The following ANKRD17 variants were observed in gnomAD, a reference collection of about 807,000 sequenced individuals.
The protein encoded by ANKRD17 is ankyrin repeat domain-containing protein 17.
Under a neutral mutation model 229.7 loss-of-function variants are expected in ANKRD17, and 19 were observed. The observed-to-expected ratio is 0.08, with a 90% CI of 0.06 to 0.12. The LOEUF (loss-of-function observed/expected upper bound fraction) is 0.12, where lower values mean the gene tolerates loss of function less well. Among genes scored for constraint, ANKRD17 ranks in the 10% least tolerant of loss-of-function variants. ANKRD17 has a pLI of 1.00. For missense variants in ANKRD17, 2,176 were observed against 3,176.8 expected (o/e 0.68, Z 7.57); for synonymous variants, 1,112 against 1,146.1 (o/e 0.97, Z 0.60).
chr4:73,158,996 G>T (rs188600471), intron 3 of ANKRD17, among the ~76,000 whole-genome samples: 47 of 152,324 alleles, frequency 3.1e-4, no homozygotes, highest in African/African-American at 9.4e-4. Context: ...AACAGAAAAT[G>T]AACCAAGATG....
At chr4:73,104,097 A>C (rs1275672488) in intron 24 of ANKRD17, 1 of 152,198 alleles carries the variant, frequency 6.6e-6, no homozygotes, top group East Asian at 1.9e-4. Flanking sequence ...CAGCAAATCG[A>C]TTTTAGGAAA....
rs765156764 is a variant in ANKRD17 at position 73,258,342 on chromosome 4, G to T, written c.327C>A (p.Gly109=). ...GGGGGGGGGG[G]GTSSNNSEEE... ...CCTCGCTGTTGTTACTGCTGGTGCC[G>T]CCGCCGCCACCTCCGCCTCCACCGC... Residue 109 remains glycine (G), a synonymous_variant, in exon 1 of 34, where the codon GGC becomes GGA. Coordinates refer to ENST00000358602, the MANE Select transcript of ANKRD17 (RefSeq NM_032217.5). The T allele has an allele frequency of 6.2e-7, 1 of 1,612,654 alleles. No homozygotes were observed. The highest frequency in any genetic ancestry group is 1.1e-5 in the South Asian group (1 of 91,054).
rs1371035354 is a variant in ANKRD17, at chr4:73,224,058, C to T, written c.393+34218G>A. ...TTTGAGGCCAGGAGTTCGATCAAGA[C>T]CAGCCTGGCCAACATGGTGAAACCC... On this transcript the variant is annotated intron_variant, in intron 1 of 33. Coordinates refer to ENST00000358602, the MANE Select transcript of ANKRD17 (RefSeq NM_032217.5). Among the ~76,000 whole-genome samples, 4 of 152,254 alleles carry T rather than the reference C, an allele frequency of 2.6e-5. No individual in the cohort carries two copies. The South Asian group carries it at 8.3e-4, about 32-fold the overall frequency.
rs766320989 is a variant in ANKRD17 at position 73,091,104 on chromosome 4, G to T, written c.6524C>A (p.Thr2175Asn). The T allele has an allele frequency of 3.1e-6, 5 of 1,614,042 alleles. No homozygotes were observed. Among genetic ancestry groups the T allele is most frequent in the South Asian group, 2.2e-5 (2 of 91,086 alleles). ...ATGAGGGGGTGGTCTAATAGCAGGG[G>T]TTTCCATTTTAGGAGTAGGCTGGGG... The part of the protein sequence containing the change: ...GCPQPTPKME[T>N]PAIRPPPHGT... The change falls in exon 29 of 34, where the codon ACC becomes AAC. Residue 2175 changes from threonine (T) to asparagine (N), a missense_variant. By Grantham distance (65) the Thr-to-Asn change is moderately conservative. Coordinates refer to ENST00000358602, the MANE Select transcript of ANKRD17 (RefSeq NM_032217.5).
At chr4:73,255,890 A>G (rs979279521) in intron 1 of ANKRD17, among the ~76,000 whole-genome samples, 1 of 151,930 alleles carries the variant, frequency 6.6e-6, no homozygotes, top group Non-Finnish European at 1.5e-5. Flanking sequence ...CACTCGGCTA[A>G]TTTTTTTGTA....
chr4:73,246,867 C>T (rs1744551038), intron 1 of ANKRD17, among the ~76,000 whole-genome samples: 1 of 151,886 alleles, frequency 6.6e-6, no homozygotes. Context: ...AATACTATAT[C>T]CAAAAAGAGA....
rs775142596 is a variant in ANKRD17 at position 73,085,419 on chromosome 4, C to A, written c.6989G>T (p.Gly2330Val). Reference sequence around the variant, plus strand: ...ATGTGTTGAAGAAGGTGTTACAGAACCATATGGCGAGTCCATATTGACAAT... The same window carrying A: ...ATGTGTTGAAGAAGGTGTTACAGAAACATATGGCGAGTCCATATTGACAAT... ...SGIVNMDSPY[G>V]SVTPSSTHLG... is the part of the protein sequence containing the mutation. Residue 2330 changes from glycine (G) to valine (V), a missense_variant, in exon 30 of 34, where the codon GGT becomes GTT. Transcript: ENST00000358602. The A allele has an allele frequency of 1.1e-5, 17 of 1,613,862 alleles. No individual in the cohort carries two copies. In the South Asian group the frequency reaches 1.5e-4, roughly 15 times the overall value.
intron 1 of ANKRD17, among the ~76,000 whole-genome samples, chr4:73,256,777 A>G (rs1745491451): frequency 6.6e-6 from 1 of 152,222 alleles, no homozygotes; most frequent in South Asian, 2.1e-4. Flanking sequence ...ACTATCCTAA[A>G]CATCCAAGTA....
At chr4:73,121,250 A>C in intron 19 of ANKRD17, 156 bp from the exon 20 acceptor site, 1 of 682,006 alleles carries the variant, frequency 1.5e-6, no homozygotes, top group South Asian at 1.9e-5. Flanking sequence ...AGATACTACC[A>C]AGACTCCATT....
At chr4:73,101,225 T>C in intron 25 of ANKRD17, 1 of 975,358 alleles carries the variant, frequency 1.0e-6, no homozygotes, top group Non-Finnish European at 1.2e-6. Context: ...AATAACCTTT[T>C]GATTATAACC....
intron 1 of ANKRD17, among the ~76,000 whole-genome samples, chr4:73,236,109 G>C (rs1019146416): frequency 6.6e-6 from 1 of 152,094 alleles, no homozygotes; most frequent in South Asian, 2.1e-4. Flanking sequence ...ACTGGGGACA[G>C]AGTAGGGAAA....
chr4:73,099,611 T>A (rs921159566), intron 25 of ANKRD17, among the ~76,000 whole-genome samples: 1 of 152,232 alleles, frequency 6.6e-6, no homozygotes, highest in Admixed American at 6.5e-5. Context: ...CATCCTGGCA[T>A]GCCCTACTCC....
Position 73,098,513 on chromosome 4 carries a change from A to G in ANKRD17, c.4581T>C (p.Pro1527=), listed in dbSNP as rs186611934. ...EKEKLKVEDE[P]EVLTEPPSAT... ...CACTTGGAGGTTCTGTCAAGACTTCAGGCTCATCTGTAAAAGTAGCAATAC... is the reference window on the plus strand; with the variant it reads ...CACTTGGAGGTTCTGTCAAGACTTCGGGCTCATCTGTAAAAGTAGCAATAC... Residue 1527 remains proline, a synonymous_variant, in exon 26 of 34, where the codon CCT becomes CCC. Transcript: ENST00000358602. The G allele has an allele frequency of 6.8e-6, 11 of 1,609,742 alleles. 1 individual carries two copies. In the Admixed American group the frequency reaches 1.4e-4, roughly 20 times the overall value.
intron 29 of ANKRD17, among the ~76,000 whole-genome samples, chr4:73,086,169 C>G (rs1320274329): frequency 6.6e-6 from 1 of 152,152 alleles, no homozygotes; most frequent in Non-Finnish European, 1.5e-5. Context: ...TTTACATGGG[C>G]TTTCTGTCAA....
chr4:73,203,767 A>AG (rs1739022199), intron 1 of ANKRD17, among the ~76,000 whole-genome samples: 1 of 150,958 alleles, frequency 6.6e-6, no homozygotes, highest in East Asian at 1.9e-4. Flanking sequence ...TCAAAAAAAA[A>AG]AAAAAAAAAA....
At chr4:73,095,943 G>T (rs1421820967) in intron 27 of ANKRD17, among the ~76,000 whole-genome samples, 1 of 151,992 alleles carries the variant, frequency 6.6e-6, no homozygotes, top group Non-Finnish European at 1.5e-5. Flanking sequence ...TCTTGTCTTG[G>T]CCTCCCAAAA....
chr4:73,110,343 T>A (rs917233581), intron 24 of ANKRD17, among the ~76,000 whole-genome samples: 1 of 152,234 alleles, frequency 6.6e-6, no homozygotes, highest in African/African-American at 2.4e-5. Flanking sequence ...CTTAACATAA[T>A]GGCCACTGAT....
At chr4:73,118,235 C>T (rs540647376) in intron 22 of ANKRD17, among the ~76,000 whole-genome samples, 69 of 152,146 alleles carry the variant, frequency 4.5e-4, no homozygotes, top group African/African-American at 1.5e-3. Context: ...CTGCCTTGGC[C>T]TCCCAAAGTG....
Position 73,220,970 on chromosome 4 carries a change from T to C in ANKRD17, c.393+37306A>G, listed in dbSNP as rs367801043. Among the ~76,000 whole-genome samples the C allele has an allele frequency of 3.9e-5, 6 of 152,170 alleles. No homozygotes were observed. In the East Asian group the frequency reaches 1.2e-3, roughly 29 times the overall value. ...CATTATGTAATAAATATCTGTTTACTTGCAATATGAGGTGCTTTAGAAAAT... is the reference window on the plus strand; with the variant it reads ...CATTATGTAATAAATATCTGTTTACCTGCAATATGAGGTGCTTTAGAAAAT... On this transcript the variant is annotated intron_variant, in intron 1 of 33. Coordinates refer to ENST00000358602, the MANE Select transcript of ANKRD17 (RefSeq NM_032217.5).
Sources: allele counts gnomAD v4.1 joint callset (sites outside exome capture counted in the v4.1 genomes callset), GRCh38; gene constraint gnomAD v4.1.1; transcripts MANE v1.5; gene names NCBI Gene and HGNC (gene_info 2026-07-23, HGNC 2026-07-21).